LAMP1: variants seen among roughly 807,000 people sequenced by gnomAD.
LAMP1 encodes the protein lysosome-associated membrane glycoprotein 1.
LAMP1 carries 7 observed loss-of-function variants against 37.5 expected under a neutral mutation model. That is an observed-to-expected ratio of 0.19 (90% CI 0.11 to 0.35). LAMP1 has a LOEUF of 0.35. Ranked by LOEUF, LAMP1 falls within the 10% of genes least tolerant of loss-of-function variation. The pLI is 1.00. For missense variants in LAMP1, 537 were observed against 552.8 expected, an observed-to-expected ratio of 0.97 and a Z score of 0.29; for synonymous variants, 236 against 229.1, an observed-to-expected ratio of 1.03 and a Z score of -0.27.
rs547671563 is a variant in LAMP1, at chr13:113,323,244, T to A, written c.*823T>A. 1.3e-5 allele frequency: 2 copies of A among 150,372 alleles called. No homozygotes were observed. Among genetic ancestry groups the A allele is most frequent in the Admixed American group, 1.3e-4 (2 of 15,178 alleles). The allele number at this position is 150,372 out of a possible 1,614,324, so 9.3% of individuals were successfully genotyped here. On this transcript the variant is annotated 3_prime_UTR_variant, in exon 9 of 9. Coordinates refer to ENST00000332556, the MANE Select transcript of LAMP1 (RefSeq NM_005561.4). Reference sequence around the variant, plus strand: ...TAAATATAAAAATGGGTGTTATTTTTATTTTTATTTGTAAAGTGATTTTTG... The same window carrying A: ...TAAATATAAAAATGGGTGTTATTTTAATTTTTATTTGTAAAGTGATTTTTG...
rs759391093 is a variant in LAMP1, at chr13:113,319,508, C to G, written c.602C>G (p.Ala201Gly). The change falls in exon 5 of 9, where the codon GCG becomes GGG. Residue 201 changes from alanine (A) to glycine (G), a missense_variant. Transcript: ENST00000332556. ...CAAGACAGGCCTTCCCCAACCACAG[C>G]GCCCCCTGCGCCACCCAGCCCCTCG... Reference protein sequence around the residue: ...CEQDRPSPTTAPPAPPSPSPS... With the variant: ...CEQDRPSPTTGPPAPPSPSPS... 1 of 1,613,592 alleles carries G rather than the reference C, an allele frequency of 6.2e-7. No homozygotes were observed. Among genetic ancestry groups the G allele is most frequent in the South Asian group, 1.1e-5 (1 of 91,026 alleles).
At chr13:113,301,304 A>G (rs186630474) in intron 1 of LAMP1, among the ~76,000 whole-genome samples, 1 of 152,028 alleles carries the variant, frequency 6.6e-6, no homozygotes, top group East Asian at 1.9e-4. Flanking sequence ...TGGCGAGACC[A>G]GTGTCTCTAC....
At position 113,308,992 on chromosome 13, in the gene LAMP1, G is replaced by A. The variant is rs117534914; in HGVS notation, c.184-651G>A. Among the ~76,000 whole-genome samples the A allele has an allele frequency of 5.9e-5, 9 of 152,308 alleles. No homozygotes were observed. The East Asian group carries it at 1.7e-3, about 29-fold the overall frequency. ...AACATTTCTATAGTAAAAAAGTAGT[G>A]ATAGCTTTTCTCAAATATATATCTC... On this transcript the variant is annotated intron_variant, in intron 2 of 8. Transcript: ENST00000332556.
chr13:113,302,381 G>T (rs555233509), intron 1 of LAMP1, among the ~76,000 whole-genome samples: 4 of 151,630 alleles, frequency 2.6e-5, no homozygotes, highest in African/African-American at 9.7e-5. Context: ...GTAGAGACGG[G>T]GTTTCACCAT....
intron 4 of LAMP1, among the ~76,000 whole-genome samples, chr13:113,316,685 T>C (rs1486877716): frequency 6.6e-6 from 1 of 152,106 alleles, no homozygotes. Context: ...CCTCCCAAAG[T>C]GCTGGGATTA....
At chr13:113,301,868 T>C (rs1360050692) in intron 1 of LAMP1, among the ~76,000 whole-genome samples, 2 of 134,916 alleles carry the variant, frequency 1.5e-5, no homozygotes, top group South Asian at 2.3e-4. Flanking sequence ...CTTTTTTTTT[T>C]TTTTTTTTTT....
At chr13:113,307,796 TAAAA>T (rs56233302) in intron 2 of LAMP1, among the ~76,000 whole-genome samples, 7,843 of 141,664 alleles carry the variant, frequency 0.055, 595 homozygotes, top group African/African-American at 0.16. Context: ...ATCTCTTTTT[TAAAA>T]AAAAAAAAAA....
chr13:113,301,932 G>A (rs1243534667), intron 1 of LAMP1, among the ~76,000 whole-genome samples: 41 of 137,474 alleles, frequency 3.0e-4, no homozygotes, highest in South Asian at 1.8e-3. Flanking sequence ...GTGCGATCTC[G>A]GCTCACTGCA....
Position 113,320,449 on chromosome 13 carries a change from C to A in LAMP1, c.855C>A (p.Val285=). The A allele has an allele frequency of 6.2e-7, 1 of 1,609,612 alleles. No homozygotes were observed. The highest frequency in any genetic ancestry group is 8.5e-7 in the Non-Finnish European group (1 of 1,179,912). The stretch of plus-strand genomic sequence containing the variant: ...AGCTGCACAGCGAGGGCACCACCGT[C>A]CTGCTCTTCCAGTTCGGGATGGTGA... ...TLELHSEGTT[V]LLFQFGMNAS... The change falls in exon 6 of 9, where the codon GTC becomes GTA. Residue 285 remains valine, a synonymous_variant. Transcript: ENST00000332556. The surrounding 1 kb of genome is among the most constrained non-coding windows in gnomAD (Gnocchi z 4.4).
chr13:113,319,280 C>G (rs1207794673), intron 4 of LAMP1, among the ~76,000 whole-genome samples, 189 bp from the exon 5 acceptor site: 3 of 152,262 alleles, frequency 2.0e-5, no homozygotes, highest in Admixed American at 1.3e-4. Flanking sequence ...CCTGAGCCGT[C>G]TGCAGGACCC....
At chr13:113,318,938 G>A (rs945855509) in intron 4 of LAMP1, among the ~76,000 whole-genome samples, 8 of 152,274 alleles carry the variant, frequency 5.3e-5, no homozygotes, top group South Asian at 2.1e-4. Flanking sequence ...CCACCTGGCC[G>A]GTCTGTGTGT....
chr13:113,297,384 A>AACCGCCGCCCGCGCCCCC lies in LAMP1; in HGVS notation c.-50_-33dup. ...CGCAGCGCCCGGCAGTCCGCGGCCCAACCGCCGCCCGCGCCCCCGCTCCCC... is the reference window on the plus strand; with the variant it reads ...CGCAGCGCCCGGCAGTCCGCGGCCCAACCGCCGCCCGCGCCCCCACCGCCGCCCGCGCCCCCGCTCCCC... On this transcript the variant is annotated 5_prime_UTR_variant, in exon 1 of 9. Transcript: ENST00000332556. This position sits in a 1 kb window ranked among gnomAD's most constrained non-coding sequence, Gnocchi z 4.4. 1 of 480,084 alleles carries AACCGCCGCCCGCGCCCCC rather than the reference A, an allele frequency of 2.1e-6. No homozygotes were observed. 29.7% of individuals were successfully genotyped at this position (480,084 alleles called of 1,614,324 possible). A position where few individuals can be genotyped will look rare whatever the true frequency, so the allele number is the denominator to read the frequency against.
chr13:113,320,508 G>C lies in LAMP1; in HGVS notation c.876+38G>C, dbSNP rs777583588. On this transcript the variant is annotated intron_variant, in intron 6 of 8. Transcript: ENST00000332556. The surrounding 1 kb of genome is among the most constrained non-coding windows in gnomAD (Gnocchi z 4.4). ...CGGCACCTCTCTGGGGGCGCCCACT[G>C]TGTCTCCACCACATCTTTTTGTGCC... The C allele has an allele frequency of 6.3e-7, 1 of 1,595,714 alleles. No individual in the cohort carries two copies. Among genetic ancestry groups the C allele is most frequent in the Non-Finnish European group, 8.5e-7 (1 of 1,175,050 alleles).
chr13:113,301,668 T>A lies in LAMP1; in HGVS notation c.61+4173T>A, dbSNP rs1474081203. Among the ~76,000 whole-genome samples, 13 of 57,288 alleles carry A rather than the reference T, an allele frequency of 2.3e-4. 1 individual carries two copies. The highest frequency in any genetic ancestry group is 0.013 in the Middle Eastern group (2 of 150). The allele number at this position is 57,288 out of a possible 152,430, so 37.6% of individuals were successfully genotyped here. A position where few individuals can be genotyped will look rare whatever the true frequency, so the allele number is the denominator to read the frequency against. The stretch of plus-strand genomic sequence containing the variant: ...AAATATATATATATATATATATATA[T>A]ATATATATATATATATATATATATT... On this transcript the variant is annotated intron_variant, in intron 1 of 8. Coordinates refer to ENST00000332556, the MANE Select transcript of LAMP1 (RefSeq NM_005561.4).
Position 113,321,498 on chromosome 13 carries a change from C to T in LAMP1, c.943+28C>T, listed in dbSNP as rs373466898. 1.5e-4 allele frequency: 242 copies of T among 1,613,320 alleles called. No homozygotes were observed. The highest frequency in any genetic ancestry group is 2.7e-4 in the Admixed American group (16 of 60,006). On this transcript the variant is annotated intron_variant, in intron 7 of 8. Transcript: ENST00000332556. The surrounding 1 kb of genome is among the most constrained non-coding windows in gnomAD (Gnocchi z 5.6). ...GAGAACCCACAATCTCTGCGAGCCCCGCCCCCGCCCGCGCGCCCAGGGTAT... is the reference window on the plus strand; with the variant it reads ...GAGAACCCACAATCTCTGCGAGCCCTGCCCCCGCCCGCGCGCCCAGGGTAT...
intron 4 of LAMP1, among the ~76,000 whole-genome samples, chr13:113,316,925 C>T (rs2042668703): frequency 6.6e-6 from 1 of 151,958 alleles, no homozygotes; most frequent in Non-Finnish European, 1.5e-5. Context: ...ATGAGAGTCC[C>T]TCAGGACAGG....
chr13:113,310,689 T>G lies in LAMP1; in HGVS notation c.404-20T>G. On this transcript the variant is annotated intron_variant, in intron 3 of 8. Transcript: ENST00000332556. ...ACTGCAAGTAGTTTGCAATTGTGATTTTTTTTTTTTTTAATCTAGAAATCA... is the reference window on the plus strand; with the variant it reads ...ACTGCAAGTAGTTTGCAATTGTGATGTTTTTTTTTTTTAATCTAGAAATCA... 1 of 1,215,478 alleles carries G rather than the reference T, an allele frequency of 8.2e-7. No homozygotes were observed. The highest frequency in any genetic ancestry group is 1.6e-5 in the South Asian group (1 of 61,188). 75.3% of individuals were successfully genotyped at this position (1,215,478 alleles called of 1,614,324 possible).
chr13:113,317,588 G>A (rs777684621), intron 4 of LAMP1, among the ~76,000 whole-genome samples: 14 of 152,122 alleles, frequency 9.2e-5, no homozygotes, highest in South Asian at 2.1e-4. Flanking sequence ...TCTGTGCGTC[G>A]TGTGGCCATC....
Position 113,319,503 on chromosome 13 carries a change from C to A in LAMP1, c.597C>A (p.Thr199=), listed in dbSNP as rs1467710686. The A allele has an allele frequency of 1.2e-6, 2 of 1,613,638 alleles. No homozygotes were observed. The highest frequency in any genetic ancestry group is 1.7e-5 in the Admixed American group (1 of 59,978). ...GTGAACAAGACAGGCCTTCCCCAAC[C>A]ACAGCGCCCCCTGCGCCACCCAGCC... ...TRCEQDRPSP[T]TAPPAPPSPS... The change falls in exon 5 of 9, where the codon ACC becomes ACA. Residue 199 remains threonine (T), a synonymous_variant. Transcript: ENST00000332556.
Sources: gnomAD v4.1 joint callset for allele counts (sites outside exome capture counted in the v4.1 genomes callset) on GRCh38, gnomAD v4.1.1 for gene constraint, Gnocchi (gnomAD v3.1) non-coding constraint, MANE v1.5 for transcripts, NCBI Gene and HGNC (gene_info 2026-07-23, HGNC 2026-07-21) for gene names.